The following CABIN1 variants were observed in gnomAD, a reference collection of about 807,000 sequenced individuals.
The protein encoded by CABIN1 is calcineurin-binding protein cabin-1.
In CABIN1, 133 loss-of-function variants were observed where a neutral mutation model predicts 227.7. That is an observed-to-expected ratio of 0.58 (90% CI 0.51 to 0.67). The LOEUF is 0.67. Ranked by LOEUF, CABIN1 falls within the 30% of genes least tolerant of loss-of-function variation. CABIN1 has a pLI of 0.00. For synonymous variants in CABIN1, 1,086 were observed against 1,155.1 expected, an observed-to-expected ratio of 0.94 and a Z score of 1.21; for missense variants, 2,408 against 2,852.5, an observed-to-expected ratio of 0.84 and a Z score of 3.55.
Position 24,059,882 on chromosome 22 carries a change from G to A in CABIN1, c.1400-42G>A, listed in dbSNP as rs755530424. ...TAAATAGGAGACCCTGGCATGGAAG[G>A]TACTCTTTATTCAAGTCAGGTTGTT... On this transcript the variant is annotated intron_variant, in intron 11 of 36. Transcript: ENST00000263119. 36 of 1,539,112 alleles carry A rather than the reference G, an allele frequency of 2.3e-5. 1 individual carries two copies. The South Asian group carries it at 3.9e-4, about 17-fold the overall frequency.
intron 5 of CABIN1, 27 bp from the exon 6 acceptor site, chr22:24,042,877 T>TGTGTGTTCAAGGAGAGA (rs1491335662): frequency 6.8e-7 from 1 of 1,461,936 alleles, no homozygotes; most frequent in Admixed American, 1.7e-5. Flanking sequence ...TGTGTGTGTG[T>TGTGTGTTCAAGGAGAGA]TTGCCCTCTG....
At chr22:24,160,497 AAGCAGTGACCCAGCAGCC>A (rs2046087500) in intron 29 of CABIN1, 3 of 152,332 alleles carry the variant, frequency 2.0e-5, no homozygotes, top group Admixed American at 2.0e-4. Flanking sequence ...AAAATGGCCC[AAGCAGTGACCCAGCAGCC>A]AGCAGTGGGG....
Position 24,056,297 on chromosome 22 carries a change from C to G in CABIN1, c.1199C>G (p.Thr400Ser). 1.2e-6 allele frequency: 2 copies of G among 1,613,880 alleles called. No individual in the cohort carries two copies. The highest frequency in any genetic ancestry group is 8.5e-7 in the Non-Finnish European group (1 of 1,179,868). Residue 400 changes from threonine to serine, a missense_variant, in exon 10 of 37, where the codon ACC becomes AGC. This residue lies in a region of CABIN1 where 1,045 missense variants were observed against 1,168.4 expected (regional missense o/e 0.89). Coordinates refer to ENST00000263119, the MANE Select transcript of CABIN1 (RefSeq NM_012295.4). ...CGGCGGTCTGCCCGTGTCCGAAACA[C>G]CAAGTGCAAAAAAGAAGAGAAAGTA... ...AKRRSARVRN[T>S]KCKKEEKVDF...
rs1341521689 is a variant in CABIN1, at chr22:24,029,214, C to T, written c.-74-6230C>T. Among the ~76,000 whole-genome samples, 7 of 152,076 alleles carry T rather than the reference C, an allele frequency of 4.6e-5. No individual in the cohort carries two copies. In the East Asian group the frequency reaches 7.7e-4, roughly 17 times the overall value. ...ACTAAAAATACAAAAATTAGCCAGA[C>T]GTGGTGGAGCATGCCTGTAATGCCA... On this transcript the variant is annotated intron_variant, in intron 1 of 36. Coordinates refer to ENST00000263119, the MANE Select transcript of CABIN1 (RefSeq NM_012295.4).
chr22:24,178,273 A>G lies in CABIN1; in HGVS notation c.*77A>G. ...ATGCCCCCTGGGCAGGACCCTGGGC[A>G]GGACCAGAGGCCCACATGGATGCCA... On this transcript the variant is annotated 3_prime_UTR_variant, in exon 37 of 37. Transcript: ENST00000263119. 1 of 1,572,898 alleles carries G rather than the reference A, an allele frequency of 6.4e-7. No individual in the cohort carries two copies. The highest frequency in any genetic ancestry group is 8.7e-7 in the Non-Finnish European group (1 of 1,154,468).
chr22:24,041,588 G>A (rs1263762189), intron 5 of CABIN1, among the ~76,000 whole-genome samples: 2 of 152,146 alleles, frequency 1.3e-5, no homozygotes, highest in African/African-American at 2.4e-5. Context: ...CAATATAGTG[G>A]TAATAATAAA....
Position 24,087,346 on chromosome 22 carries a change from G to A in CABIN1, c.3264-106G>A, listed in dbSNP as rs1324796446. 5 of 1,448,822 alleles carry A rather than the reference G, an allele frequency of 3.5e-6. No individual in the cohort carries two copies. The African/African-American group carries it at 7.0e-5, about 20-fold the overall frequency. The allele number at this position is 1,448,822 out of a possible 1,614,324, so 89.7% of individuals were successfully genotyped here. A position where few individuals can be genotyped will look rare whatever the true frequency, so the allele number is the denominator to read the frequency against. Reference sequence around the variant, plus strand: ...AGTTGGGCTCTGAGCCCTGGTGTGGGAAGGGAGTTTCCATGGGGTCCATCT... The same window carrying A: ...AGTTGGGCTCTGAGCCCTGGTGTGGAAAGGGAGTTTCCATGGGGTCCATCT... On this transcript the variant is annotated intron_variant, in intron 22 of 36. Transcript: ENST00000263119.
intron 29 of CABIN1, among the ~76,000 whole-genome samples, chr22:24,159,585 G>A (rs188803673): frequency 6.6e-5 from 10 of 152,172 alleles, no homozygotes; most frequent in Non-Finnish European, 1.5e-4. Context: ...CAGCCATTCT[G>A]TCTACTCCCA....
chr22:24,104,683 A>G (rs765531972), intron 26 of CABIN1, among the ~76,000 whole-genome samples: 5 of 152,150 alleles, frequency 3.3e-5, no homozygotes, highest in Admixed American at 6.5e-5. Flanking sequence ...CAGCCTGACA[A>G]TGGGCACCCC....
At chr22:24,059,524 G>A (rs1424568679) in intron 11 of CABIN1, among the ~76,000 whole-genome samples, 161 bp downstream of exon 11, 1 of 152,226 alleles carries the variant, frequency 6.6e-6, no homozygotes. Context: ...TGGTCAGCTT[G>A]GAGGTCTTCT....
chr22:24,115,772 G>A (rs1050658174), intron 27 of CABIN1, among the ~76,000 whole-genome samples: 3 of 152,188 alleles, frequency 2.0e-5, no homozygotes, highest in Admixed American at 6.5e-5. Flanking sequence ...TGTTGAGTGC[G>A]GGCCCCAAGT....
chr22:24,084,145 T>C (rs977452595), intron 20 of CABIN1, among the ~76,000 whole-genome samples: 1 of 152,198 alleles, frequency 6.6e-6, no homozygotes, highest in Non-Finnish European at 1.5e-5. Context: ...CGTGGGCTTA[T>C]AGAGCGCAGC....
Position 24,176,295 on chromosome 22 carries a change from G to C in CABIN1, c.6205+20G>C, listed in dbSNP as rs1231743389. The C allele has an allele frequency of 1.9e-6, 3 of 1,585,598 alleles. No homozygotes were observed. The highest frequency in any genetic ancestry group is 2.6e-6 in the Non-Finnish European group (3 of 1,169,970). On this transcript the variant is annotated intron_variant, in intron 35 of 36. Coordinates refer to ENST00000263119, the MANE Select transcript of CABIN1 (RefSeq NM_012295.4). Reference sequence around the variant, plus strand: ...GCCAGGGTAAGGCGAGTTGGGAGCAGCCCAGCACCAGCCCCCAGGAGGCTG... The same window carrying C: ...GCCAGGGTAAGGCGAGTTGGGAGCACCCCAGCACCAGCCCCCAGGAGGCTG...
At chr22:24,078,655 C>G (rs1221487425) in intron 19 of CABIN1, among the ~76,000 whole-genome samples, 1 of 152,138 alleles carries the variant, frequency 6.6e-6, no homozygotes, top group Non-Finnish European at 1.5e-5. Context: ...TCAAATGGCC[C>G]CTGTGCTATA....
At chr22:24,165,501 CCTCT>C in intron 30 of CABIN1, 25 bp from the exon 31 acceptor site, 3 of 1,594,810 alleles carry the variant, frequency 1.9e-6, no homozygotes, top group Non-Finnish European at 2.6e-6. Context: ...GCCCTCCTGT[CCTCT>C]CTGACTACCC....
chr22:24,026,619 TC>T (rs1158403163), intron 1 of CABIN1, among the ~76,000 whole-genome samples: 6 of 152,210 alleles, frequency 3.9e-5, no homozygotes, highest in Non-Finnish European at 5.9e-5. Flanking sequence ...GTTCAGTTGT[TC>T]CGGAACCATT....
At chr22:24,060,878 C>A (rs892106740) in intron 12 of CABIN1, among the ~76,000 whole-genome samples, 6 of 151,810 alleles carry the variant, frequency 4.0e-5, no homozygotes, top group African/African-American at 1.5e-4. Flanking sequence ...CCAGCCTAGG[C>A]GACAAGGCGA....
chr22:24,154,622 T>C (rs56226494), intron 29 of CABIN1, among the ~76,000 whole-genome samples: 3,448 of 152,310 alleles, frequency 0.023, 46 homozygotes, highest in Admixed American at 0.036. Flanking sequence ...CCAGCCTCCT[T>C]CTTCTGTGTC....
Position 24,067,152 on chromosome 22 carries a change from G to A in CABIN1, c.2203G>A (p.Glu735Lys). 6.2e-7 allele frequency: 1 copy of A among 1,614,234 alleles called. No homozygotes were observed. Among genetic ancestry groups the A allele is most frequent in the South Asian group, 1.1e-5 (1 of 91,080 alleles). Residue 735 changes from glutamate (E) to lysine (K), a missense_variant, in exon 16 of 37, where the codon GAG becomes AAG. This residue lies in a region of CABIN1 where 1,045 missense variants were observed against 1,168.4 expected (regional missense o/e 0.89). Transcript: ENST00000263119. ...CCTGGAGTTTATGACTTCCATTCCT[G>A]AGAGGCCAGCCCAGCTGCTTCTTCT... is the stretch of plus-strand genomic sequence containing the variant. ...KHLEFMTSIP[E>K]RPAQLLLLQD...
Sources: gnomAD v4.1 joint callset for allele counts (sites outside exome capture counted in the v4.1 genomes callset) on GRCh38, gnomAD v4.1.1 for gene constraint, gnomAD v4.1.1 regional missense constraint, MANE v1.5 for transcripts, NCBI Gene and HGNC (gene_info 2026-07-23, HGNC 2026-07-21) for gene names.